Variants in TNRC6A observed in about 807,000 individuals in gnomAD.
TNRC6A encodes the protein trinucleotide repeat containing adaptor 6A, also known as trinucleotide repeat-containing gene 6A protein.
Under a neutral mutation model 221.2 loss-of-function variants are expected in TNRC6A, and 44 were observed. The ratio of observed to expected loss-of-function variants is 0.20; its 90% CI spans 0.16 to 0.26. TNRC6A has a LOEUF of 0.26. Among genes scored for constraint, TNRC6A ranks in the 10% least tolerant of loss-of-function variants. TNRC6A has a pLI of 1.00. For missense variants in TNRC6A, 2,199 were observed against 2,404.4 expected (o/e 0.91, Z 1.79); for synonymous variants, 847 against 838.5 (o/e 1.01, Z -0.18).
At chr16:24,673,026 C>A (rs1212695545) in intron 2 of TNRC6A, among the ~76,000 whole-genome samples, 1 of 151,576 alleles carries the variant, frequency 6.6e-6, no homozygotes, top group Non-Finnish European at 1.5e-5. Flanking sequence ...CATAGTGAGA[C>A]CCTCATCTCT....
At chr16:24,736,993 A>C (rs982237817) in intron 2 of TNRC6A, among the ~76,000 whole-genome samples, 1 of 152,202 alleles carries the variant, frequency 6.6e-6, no homozygotes, top group Non-Finnish European at 1.5e-5. Flanking sequence ...TAGGAAAATG[A>C]AACATTGGGG....
chr16:24,644,117 C>T (rs1345389288), intron 2 of TNRC6A, among the ~76,000 whole-genome samples: 6 of 106,338 alleles, frequency 5.6e-5, no homozygotes, highest in East Asian at 2.8e-4. Context: ...GACAGAGTCT[C>T]GCTCTGTCGC....
chr16:24,767,461 A>C (rs2057497819), intron 4 of TNRC6A, among the ~76,000 whole-genome samples: 1 of 152,222 alleles, frequency 6.6e-6, no homozygotes, highest in Admixed American at 6.5e-5. Context: ...GGTATTTTCC[A>C]GTTTCCCTTT....
chr16:24,700,130 C>A (rs1482932626), intron 2 of TNRC6A, among the ~76,000 whole-genome samples: 2 of 152,074 alleles, frequency 1.3e-5, no homozygotes, highest in African/African-American at 4.8e-5. Context: ...CAAGGTGGCT[C>A]ACACCTGTAA....
At chr16:24,744,648 T>A (rs1361557624) in intron 2 of TNRC6A, among the ~76,000 whole-genome samples, 1 of 152,160 alleles carries the variant, frequency 6.6e-6, no homozygotes, top group Non-Finnish European at 1.5e-5. Context: ...ATCCATACTG[T>A]CATCTGGATC....
At position 24,680,928 on chromosome 16, in the gene TNRC6A, T is replaced by TA. The variant is rs911445944; in HGVS notation, n.402+39931dup. ...GCGTGCACAACCACACTCGGCTAAT[T>TA]AAAAAAAAAAAATTTTTTTTTTGAG... On this transcript the variant is annotated intron_variant and non_coding_transcript_variant, in intron 2 of 2. Transcript: ENST00000566108. Among the ~76,000 whole-genome samples the TA allele has an allele frequency of 2.4e-3, 346 of 147,218 alleles. 3 individuals carry two copies. The highest frequency in any genetic ancestry group is 7.7e-3 in the African/African-American group (308 of 40,172).
chr16:24,675,700 CTCTATATATATATATATATATATATATA>C (rs1418172171), intron 2 of TNRC6A, among the ~76,000 whole-genome samples: 3 of 54,882 alleles, frequency 5.5e-5, no homozygotes, highest in African/African-American at 7.6e-5. Context: ...CTCTCTCTCT[CTCTATATATATATATATATATATATATA>C]TATATATATA....
chr16:24,653,199 T>C (rs551816394), intron 2 of TNRC6A, among the ~76,000 whole-genome samples: 18 of 152,178 alleles, frequency 1.2e-4, no homozygotes, highest in African/African-American at 3.1e-4. Context: ...ATGATTCACA[T>C]TGCAAATGAC....
intron 2 of TNRC6A, among the ~76,000 whole-genome samples, chr16:24,709,975 C>G (rs946451129): frequency 2.0e-5 from 3 of 152,132 alleles, no homozygotes; most frequent in Admixed American, 6.6e-5. Context: ...CACCTGTAAT[C>G]CCAGCACTTT....
chr16:24,820,464 A>G (rs1228731552), intron 22 of TNRC6A, 104 bp downstream of exon 22: 6 of 1,008,404 alleles, frequency 5.9e-6, no homozygotes, highest in Non-Finnish European at 9.0e-6. Context: ...CTATTGCCTC[A>G]CCTCCATCAG....
intron 2 of TNRC6A, among the ~76,000 whole-genome samples, chr16:24,746,247 AT>A (rs1485511742): frequency 6.6e-6 from 1 of 152,016 alleles, no homozygotes; most frequent in Non-Finnish European, 1.5e-5. Context: ...AATTGTAGGA[AT>A]TTTTTTCCTA....
At chr16:24,734,811 T>C (rs1300128030) in intron 2 of TNRC6A, among the ~76,000 whole-genome samples, 2 of 152,366 alleles carry the variant, frequency 1.3e-5, no homozygotes, top group East Asian at 3.9e-4. Context: ...ATGTACTAAA[T>C]GTGTTTTGTT....
intron 17 of TNRC6A, among the ~76,000 whole-genome samples, chr16:24,808,265 C>A (rs1011081042): frequency 6.6e-6 from 1 of 152,212 alleles, no homozygotes; most frequent in African/African-American, 2.4e-5. Context: ...GGATTTCCTG[C>A]CCTGGCCAGC....
At chr16:24,727,738 C>T (rs34042683), upstream of TNRC6A, among the ~76,000 whole-genome samples, 13 of 152,058 alleles carry the variant, frequency 8.5e-5, no homozygotes, top group African/African-American at 1.9e-4. Flanking sequence ...TGTGCCATTA[C>T]GTATATGTTC....
At chr16:24,770,200 G>A (rs1283806243) in intron 4 of TNRC6A, among the ~76,000 whole-genome samples, 1 of 152,162 alleles carries the variant, frequency 6.6e-6, no homozygotes, top group East Asian at 1.9e-4. Flanking sequence ...ACGTTTTGGG[G>A]AATTGCAAGT....
intron 2 of TNRC6A, among the ~76,000 whole-genome samples, chr16:24,649,377 T>C (rs1343702326): frequency 6.6e-6 from 1 of 152,098 alleles, no homozygotes; most frequent in East Asian, 1.9e-4. Context: ...GGCACAATCA[T>C]AGCTCACTGA....
intron 8 of TNRC6A, 55 bp from the exon 9 acceptor site, chr16:24,795,851 AC>A (rs1439487664): frequency 3.6e-5 from 54 of 1,480,078 alleles, no homozygotes; most frequent in Non-Finnish European, 4.8e-5. Context: ...CCAGTTCCAA[AC>A]CCCATGTTCT....
At position 24,823,858 on chromosome 16, in the gene TNRC6A, G is replaced by A. The variant is rs2058820788; in HGVS notation, c.*51G>A. 1 of 1,368,796 alleles carries A rather than the reference G, an allele frequency of 7.3e-7. No homozygotes were observed. The highest frequency in any genetic ancestry group is 9.5e-7 in the Non-Finnish European group (1 of 1,056,640). 84.8% of individuals were successfully genotyped at this position (1,368,796 alleles called of 1,614,324 possible). A position where few individuals can be genotyped will look rare whatever the true frequency, so the allele number is the denominator to read the frequency against. Reference sequence around the variant, plus strand: ...GGGACCTCAGACGCGAGGGAAAGGAGCACTAAGTGGGGCTCGCCGCCTGCA... The same window carrying A: ...GGGACCTCAGACGCGAGGGAAAGGAACACTAAGTGGGGCTCGCCGCCTGCA... On this transcript the variant is annotated 3_prime_UTR_variant, in exon 25 of 25. Coordinates refer to ENST00000395799, the MANE Select transcript of TNRC6A (RefSeq NM_014494.4). The surrounding 1 kb of genome is among the most constrained non-coding windows in gnomAD (Gnocchi z 4.3).
intron 2 of TNRC6A, among the ~76,000 whole-genome samples, chr16:24,677,964 T>C (rs1054463207): frequency 6.6e-6 from 1 of 152,032 alleles, no homozygotes. Context: ...GCTTGTACAA[T>C]CCCCTCCCCA....
Sources: gnomAD v4.1 joint callset for allele counts (sites outside exome capture counted in the v4.1 genomes callset) on GRCh38, gnomAD v4.1.1 for gene constraint, Gnocchi (gnomAD v3.1) non-coding constraint, MANE v1.5 for transcripts, NCBI Gene and HGNC (gene_info 2026-07-23, HGNC 2026-07-21) for gene names.